NBAS: variants seen among roughly 807,000 people sequenced by gnomAD.
NBAS encodes the protein NBAS subunit of NRZ tethering complex, also known as NAG/BC035112 fusion.
A neutral mutation model predicts 302.5 loss-of-function variants in NBAS; 219 were observed. That is an observed-to-expected ratio of 0.72 (90% CI 0.65 to 0.81). NBAS has a LOEUF of 0.81. NBAS is among the 30% of genes least tolerant of loss of function. The pLI is 0.00. For missense variants in NBAS, 2,932 were observed against 2,841.6 expected, an observed-to-expected ratio of 1.03 and a Z score of -0.72; for synonymous variants, 1,118 against 1,021.6, an observed-to-expected ratio of 1.09 and a Z score of -1.80.
At chr2:15,373,477 C>T (rs1674583001) in intron 31 of NBAS, among the ~76,000 whole-genome samples, 1 of 152,082 alleles carries the variant, frequency 6.6e-6, no homozygotes, top group African/African-American at 2.4e-5. Context: ...ACTACATACG[C>T]ATGCCATTAC....
intron 30 of NBAS, among the ~76,000 whole-genome samples, chr2:15,375,752 T>G (rs1674704407): frequency 2.6e-5 from 4 of 152,256 alleles, no homozygotes; most frequent in Non-Finnish European, 5.9e-5. Context: ...AGACATATAA[T>G]TGTGGGTGCT....
At chr2:15,150,496 C>A in the NBAS span, among the ~76,000 whole-genome samples, 3 of 152,130 alleles carry the variant, frequency 2.0e-5, no homozygotes, top group Admixed American at 6.6e-5. Context: ...GCTGGAGAAA[C>A]AAAATTGGTA....
downstream of NBAS, among the ~76,000 whole-genome samples, chr2:15,164,307 G>A (rs1346049535): frequency 1.3e-5 from 2 of 152,272 alleles, no homozygotes; most frequent in African/African-American, 4.8e-5. Flanking sequence ...TCAGCAGAGG[G>A]ACCTAGAAGT....
intron 47 of NBAS, among the ~76,000 whole-genome samples, chr2:15,227,501 C>T (rs372557156): frequency 1.6e-3 from 236 of 151,992 alleles, no homozygotes; most frequent in South Asian, 0.012. Flanking sequence ...AAAAAAAAAT[C>T]TTAAAATTCA....
chr2:15,026,413 G>A, the NBAS span, among the ~76,000 whole-genome samples: 2 of 14,736 alleles, frequency 1.4e-4, 1 homozygote, highest in Non-Finnish European at 2.2e-4. Flanking sequence ...CCGAGATTGC[G>A]CCACTGCAGT....
the NBAS span, among the ~76,000 whole-genome samples, chr2:14,868,966 G>A: frequency 3.9e-5 from 6 of 152,296 alleles, no homozygotes; most frequent in East Asian, 3.9e-4. Flanking sequence ...ATTATAAATC[G>A]TATGTTACTT....
the NBAS span, among the ~76,000 whole-genome samples, chr2:14,996,613 T>C: frequency 5.3e-5 from 8 of 152,348 alleles, no homozygotes; most frequent in East Asian, 1.5e-3. Context: ...CGATGACAGA[T>C]GCCCTCAGAT....
At chr2:15,182,167 G>T (rs2125123428) in intron 50 of NBAS, among the ~76,000 whole-genome samples, 1 of 152,346 alleles carries the variant, frequency 6.6e-6, no homozygotes, top group African/African-American at 2.4e-5. Context: ...AGCCTCTCAG[G>T]TTGTGCTGGG....
chr2:14,875,080 TAGAA>T, the NBAS span, among the ~76,000 whole-genome samples: 9 of 152,042 alleles, frequency 5.9e-5, no homozygotes, highest in Non-Finnish European at 1.0e-4. Context: ...ATAATACAGA[TAGAA>T]AGCATGAATA....
At chr2:15,498,466 C>T (rs930017781) in intron 11 of NBAS, among the ~76,000 whole-genome samples, 7 of 152,110 alleles carry the variant, frequency 4.6e-5, no homozygotes, top group African/African-American at 1.4e-4. Flanking sequence ...GAAAAAGGAA[C>T]GCTTACACAC....
chr2:15,472,271 C>T (rs150285199), intron 16 of NBAS, among the ~76,000 whole-genome samples: 6 of 152,220 alleles, frequency 3.9e-5, no homozygotes, highest in African/African-American at 1.4e-4. Flanking sequence ...TGGCCACCAA[C>T]AAGGCACGTG....
chr2:15,098,024 A>T, the NBAS span, among the ~76,000 whole-genome samples: 3 of 28,098 alleles, frequency 1.1e-4, no homozygotes, highest in African/African-American at 7.4e-4. Flanking sequence ...TATTGTATAT[A>T]ATATATATAT....
At chr2:15,255,620 G>A (rs1288465584) in intron 44 of NBAS, among the ~76,000 whole-genome samples, 1 of 152,034 alleles carries the variant, frequency 6.6e-6, no homozygotes, top group African/African-American at 2.4e-5. Context: ...CTTGGTCTTA[G>A]CCTAATCCAA....
At chr2:14,838,791 C>T in the NBAS span, among the ~76,000 whole-genome samples, 2 of 151,660 alleles carry the variant, frequency 1.3e-5, no homozygotes, top group South Asian at 4.1e-4. Flanking sequence ...CTACCACACA[C>T]ATAACTTTAA....
At chr2:15,327,600 T>C (rs1672130351) in intron 38 of NBAS, 150 bp downstream of exon 38, 1 of 928,982 alleles carries the variant, frequency 1.1e-6, no homozygotes, top group Non-Finnish European at 1.7e-6. Context: ...AATTAATAAA[T>C]GGATGAATGA....
the NBAS span, among the ~76,000 whole-genome samples, chr2:15,149,575 T>C: frequency 6.6e-6 from 1 of 152,112 alleles, no homozygotes; most frequent in Non-Finnish European, 1.5e-5. Flanking sequence ...AGCCTCAACT[T>C]CCCAGGCTCA....
chr2:15,002,850 C>T, the NBAS span, among the ~76,000 whole-genome samples: 24 of 152,314 alleles, frequency 1.6e-4, no homozygotes, highest in Non-Finnish European at 2.8e-4. Flanking sequence ...GCCAAGCCCA[C>T]GCCCACCCGG....
chr2:15,327,487 C>T (rs1372805387), intron 38 of NBAS, among the ~76,000 whole-genome samples: 2 of 152,138 alleles, frequency 1.3e-5, no homozygotes, highest in African/African-American at 4.8e-5. Flanking sequence ...AATCACTTTA[C>T]ATAACTAGCC....
chr2:15,202,194 A>G (rs1368828343), intron 48 of NBAS, among the ~76,000 whole-genome samples: 3 of 152,206 alleles, frequency 2.0e-5, no homozygotes, highest in African/African-American at 7.2e-5. Flanking sequence ...TGGGTACAGA[A>G]ACATATCTAA....
Sources: gnomAD v4.1 joint callset for allele counts (sites outside exome capture counted in the v4.1 genomes callset) on GRCh38, gnomAD v4.1.1 for gene constraint, MANE v1.5 for transcripts, NCBI Gene and HGNC (gene_info 2026-07-23, HGNC 2026-07-21) for gene names.